The following PRDM2 variants were observed in gnomAD, a reference collection of about 807,000 sequenced individuals.
PRDM2 encodes PR domain zinc finger protein 2.
PRDM2 carries 30 observed loss-of-function variants against 130.0 expected under a neutral mutation model. That is an observed-to-expected ratio of 0.23 (90% CI 0.17 to 0.31). The LOEUF is 0.31. Ranked by LOEUF, PRDM2 falls within the 10% of genes least tolerant of loss-of-function variation. The probability of loss-of-function intolerance (pLI) is 1.00; values close to 1 mark genes in which losing one functional copy is unlikely to be tolerated. For missense variants in PRDM2, 2,011 were observed against 2,108.4 expected, an observed-to-expected ratio of 0.95 and a Z score of 0.90; for synonymous variants, 871 against 782.4, an observed-to-expected ratio of 1.11 and a Z score of -1.89.
chr1:13,719,671 A>C (rs187261400), intron 2 of PRDM2, among the ~76,000 whole-genome samples: 3 of 152,342 alleles, frequency 2.0e-5, no homozygotes, highest in Non-Finnish European at 2.9e-5. Context: ...CTTTTTAAAA[A>C]ATGGTGTATA....
At chr1:13,788,610 A>G (rs1489982238) in intron 8 of PRDM2, among the ~76,000 whole-genome samples, 2 of 152,168 alleles carry the variant, frequency 1.3e-5, no homozygotes, top group African/African-American at 4.8e-5. Flanking sequence ...TCCCTTGGCC[A>G]GATGTTCTGG....
chr1:13,749,940 C>CG (rs1643764833), intron 6 of PRDM2, among the ~76,000 whole-genome samples: 1 of 152,120 alleles, frequency 6.6e-6, no homozygotes, highest in Admixed American at 6.5e-5. Context: ...GCGCAGGACG[C>CG]GGGCCGCGTC....
chr1:13,776,301 G>T (rs974525379), intron 7 of PRDM2, among the ~76,000 whole-genome samples: 3 of 152,140 alleles, frequency 2.0e-5, no homozygotes, highest in Admixed American at 6.5e-5. Flanking sequence ...AGGTAATGTA[G>T]CCTGGAGAAG....
At chr1:13,715,954 G>GT (rs1642520304) in intron 2 of PRDM2, among the ~76,000 whole-genome samples, 1 of 152,040 alleles carries the variant, frequency 6.6e-6, no homozygotes. Context: ...CATTTTTAGC[G>GT]TTTTTTATTT....
intron 1 of PRDM2, among the ~76,000 whole-genome samples, chr1:13,713,010 T>A (rs1557593587): frequency 6.6e-6 from 1 of 152,094 alleles, no homozygotes; most frequent in Non-Finnish European, 1.5e-5. Context: ...TCGCTTTTGC[T>A]TCCACCTCCA....
chr1:13,784,789 C>T lies in PRDM2; in HGVS notation c.5036+1958C>T, dbSNP rs186954801. ...AAGAAAACACTGGTATTGTCCTAAC[C>T]GTAGATGGTAATGACAGGCATTGGT... On this transcript the variant is annotated intron_variant, in intron 8 of 9. Transcript: ENST00000311066. Among the ~76,000 whole-genome samples, 134 of 152,268 alleles carry T rather than the reference C, an allele frequency of 8.8e-4. 2 individuals carry two copies. Among genetic ancestry groups the T allele is most frequent in the African/African-American group, 2.6e-3 (106 of 41,552 alleles).
intron 8 of PRDM2, among the ~76,000 whole-genome samples, chr1:13,799,904 C>G (rs949579943): frequency 6.6e-6 from 1 of 152,136 alleles, no homozygotes; most frequent in African/African-American, 2.4e-5. Context: ...AAAAATGTGC[C>G]GGGACCAGGG....
intron 6 of PRDM2, among the ~76,000 whole-genome samples, chr1:13,762,726 T>C (rs908910760): frequency 4.6e-5 from 7 of 152,232 alleles, no homozygotes; most frequent in African/African-American, 1.7e-4. Context: ...CCATTCTCAG[T>C]GCCAGAGCCT....
intron 5 of PRDM2, among the ~76,000 whole-genome samples, chr1:13,744,458 C>T (rs1469695858): frequency 6.6e-6 from 1 of 152,082 alleles, no homozygotes; most frequent in Non-Finnish European, 1.5e-5. Flanking sequence ...TGTTATTTTT[C>T]ACAAGGTGGT....
chr1:13,818,448 G>A (rs1472331511), intron 9 of PRDM2, among the ~76,000 whole-genome samples: 7 of 145,750 alleles, frequency 4.8e-5, no homozygotes, highest in Non-Finnish European at 8.9e-5. Flanking sequence ...GCGCGATCTT[G>A]ACTCACTGCA....
Position 13,779,627 on chromosome 1 carries a change from A to T in PRDM2, c.1832A>T (p.Gln611Leu). The T allele has an allele frequency of 6.2e-7, 1 of 1,614,096 alleles. No individual in the cohort carries two copies. Among genetic ancestry groups the T allele is most frequent in the Non-Finnish European group, 8.5e-7 (1 of 1,179,974 alleles). The change falls in exon 8 of 10, where the codon CAA becomes CTA. Residue 611 changes from glutamine (Q) to leucine (L), a missense_variant. Physicochemically the swap from Gln to Leu is moderately radical, Grantham distance 113 (BLOSUM62 -2). Around this residue, in one of 5 missense-constraint regions of PRDM2, gnomAD observed 1,288 missense variants for 1,237.7 expected, o/e 1.04. Transcript: ENST00000311066. This position sits in a 1 kb window ranked among gnomAD's most constrained non-coding sequence, Gnocchi z 4.9. ...LLTPVTVEIT[Q>L]NIKTTQVPVT... The stretch of plus-strand genomic sequence containing the variant: ...ACTCCAGTTACAGTGGAAATTACTC[A>T]AAATATAAAGACCACACAGGTCCCT...
intron 7 of PRDM2, among the ~76,000 whole-genome samples, chr1:13,777,788 CA>C (rs1476168951): frequency 6.6e-6 from 1 of 151,498 alleles, no homozygotes; most frequent in Non-Finnish European, 1.5e-5. Flanking sequence ...CTGTTCCCTT[CA>C]GTGAGATGCT....
chr1:13,732,498 C>T (rs149057273), intron 3 of PRDM2, among the ~76,000 whole-genome samples: 293 of 152,102 alleles, frequency 1.9e-3, no homozygotes, highest in Non-Finnish European at 2.8e-3. Flanking sequence ...TCCTACTGTA[C>T]GGGTAGTGTT....
chr1:13,802,241 C>T (rs545629338), intron 8 of PRDM2, among the ~76,000 whole-genome samples: 2 of 152,272 alleles, frequency 1.3e-5, no homozygotes, highest in African/African-American at 2.4e-5. Flanking sequence ...ACCAAGTGAG[C>T]GTGCCTTTCC....
chr1:13,809,423 A>G (rs1645136889), intron 8 of PRDM2, among the ~76,000 whole-genome samples: 1 of 152,154 alleles, frequency 6.6e-6, no homozygotes, highest in Admixed American at 6.6e-5. Context: ...GTGTAGCAGG[A>G]GAGAGTGACG....
intron 8 of PRDM2, among the ~76,000 whole-genome samples, chr1:13,802,711 C>T (rs370817639): frequency 2.0e-5 from 3 of 152,232 alleles, no homozygotes; most frequent in South Asian, 2.1e-4. Flanking sequence ...TGCTGGATCT[C>T]ATAAGGGACC....
chr1:13,796,609 A>C (rs1644926835), intron 8 of PRDM2, among the ~76,000 whole-genome samples: 1 of 152,180 alleles, frequency 6.6e-6, no homozygotes, highest in Non-Finnish European at 1.5e-5. Flanking sequence ...TAAAAAAGCC[A>C]GGTACAGTGG....
At chr1:13,726,576 G>A (rs1039251803) in intron 2 of PRDM2, among the ~76,000 whole-genome samples, 18 of 152,216 alleles carry the variant, frequency 1.2e-4, no homozygotes, top group African/African-American at 4.1e-4. Flanking sequence ...TTAATTGGGG[G>A]AAGAGAAGCG....
rs968395868 is a variant in PRDM2, at chr1:13,730,358, T to C, written c.10-642T>C. Among the ~76,000 whole-genome samples the C allele has an allele frequency of 5.3e-5, 8 of 152,374 alleles. No homozygotes were observed. In the East Asian group the frequency reaches 1.5e-3, roughly 29 times the overall value. ...TGATAAATAATTTAAAAAAATTCTC[T>C]GTTTCTTAGCAACTCTGTGATATCC... is the stretch of plus-strand genomic sequence containing the variant. On this transcript the variant is annotated intron_variant, in intron 2 of 9. Coordinates refer to ENST00000311066, the MANE Select transcript of PRDM2 (RefSeq NM_001393986.1).
Sources: allele counts gnomAD v4.1 joint callset (sites outside exome capture counted in the v4.1 genomes callset), GRCh38; gene constraint gnomAD v4.1.1; regional missense constraint gnomAD v4.1.1; non-coding constraint Gnocchi (gnomAD v3.1); transcripts MANE v1.5; gene names NCBI Gene and HGNC (gene_info 2026-07-23, HGNC 2026-07-21).